SDC2: variants seen among roughly 807,000 people sequenced by gnomAD.
The protein encoded by SDC2 is syndecan 2.
In SDC2, 13 loss-of-function variants were observed where a neutral mutation model predicts 22.2. The ratio of observed to expected loss-of-function variants is 0.59; its 90% CI spans 0.38 to 0.93. SDC2 has a LOEUF of 0.93. Among genes scored for constraint, SDC2 ranks in the 40% least tolerant of loss-of-function variants. The pLI is 0.00. For synonymous variants in SDC2, 94 were observed against 92.8 expected (o/e 1.01, Z -0.07); for missense variants, 235 against 246.8 (o/e 0.95, Z 0.32).
chr8:96,521,864 G>A (rs927333092), intron 1 of SDC2, among the ~76,000 whole-genome samples: 3 of 152,142 alleles, frequency 2.0e-5, no homozygotes, highest in Non-Finnish European at 2.9e-5. Flanking sequence ...TGATATGGGG[G>A]TACTTATTGA....
Position 96,517,038 on chromosome 8 carries a change from T to C in SDC2, c.60+22707T>C, listed in dbSNP as rs1037676746. ...CTGCCACACTGTTTTGCAAGGTAGC[T>C]GTACCATTTTACATTCCCACCAGCA... On this transcript the variant is annotated intron_variant, in intron 1 of 4. Transcript: ENST00000302190. 1.3e-4 allele frequency among the ~76,000 whole-genome samples: 20 copies of C among 152,202 alleles called. 1 individual carries two copies. Among genetic ancestry groups the C allele is most frequent in the Admixed American group, 1.3e-3 (20 of 15,280 alleles).
At chr8:96,549,621 T>A (rs1298167246) in intron 1 of SDC2, among the ~76,000 whole-genome samples, 2 of 152,200 alleles carry the variant, frequency 1.3e-5, no homozygotes, top group Non-Finnish European at 2.9e-5. Flanking sequence ...AGTAAGTTCA[T>A]CAGGCTATGT....
At chr8:96,562,875 G>A (rs1814233085) in intron 1 of SDC2, among the ~76,000 whole-genome samples, 1 of 151,450 alleles carries the variant, frequency 6.6e-6, no homozygotes, top group Non-Finnish European at 1.5e-5. Flanking sequence ...TGAATTTAGT[G>A]ACAGGTTAGT....
intron 1 of SDC2, among the ~76,000 whole-genome samples, chr8:96,517,229 A>G (rs983075540): frequency 2.0e-5 from 3 of 152,100 alleles, no homozygotes; most frequent in African/African-American, 7.2e-5. Context: ...GTTCTTAGCC[A>G]TTTGTATTTA....
intron 1 of SDC2, among the ~76,000 whole-genome samples, chr8:96,557,835 CT>C (rs1249943732): frequency 1.3e-5 from 2 of 152,052 alleles, no homozygotes; most frequent in Non-Finnish European, 2.9e-5. Flanking sequence ...TCTTTGATGA[CT>C]TTCCCTTGAA....
At chr8:96,514,549 G>A (rs140618466) in intron 1 of SDC2, among the ~76,000 whole-genome samples, 8 of 152,274 alleles carry the variant, frequency 5.3e-5, no homozygotes, top group Admixed American at 1.3e-4. Flanking sequence ...TAAGTGACCA[G>A]TGTGACAAGA....
intron 1 of SDC2, among the ~76,000 whole-genome samples, chr8:96,589,690 C>A (rs371429891): frequency 6.6e-6 from 1 of 152,212 alleles, no homozygotes; most frequent in Admixed American, 6.5e-5. Context: ...GGATTACAGG[C>A]GTGAGCCACT....
Position 96,609,654 on chromosome 8 carries a change from T to G in SDC2, c.*106T>G. 7.5e-6 allele frequency: 5 copies of G among 666,534 alleles called. No homozygotes were observed. Among genetic ancestry groups the G allele is most frequent in the South Asian group, 3.7e-5 (1 of 27,138 alleles). 41.3% of individuals were successfully genotyped at this position (666,534 alleles called of 1,614,324 possible). ...GTTTTTTGTTTTCATTAAAGAGCCA[T>G]TCTGGCACTTTAATGATAAAATCCC... On this transcript the variant is annotated 3_prime_UTR_variant, in exon 5 of 5. Transcript: ENST00000302190.
intron 1 of SDC2, among the ~76,000 whole-genome samples, chr8:96,516,991 C>G (rs983089741): frequency 1.3e-5 from 2 of 152,126 alleles, no homozygotes; most frequent in African/African-American, 4.8e-5. Context: ...GATATGGTAA[C>G]TCTGTATAAC....
At chr8:96,557,800 C>T (rs558269618) in intron 1 of SDC2, among the ~76,000 whole-genome samples, 38 of 152,186 alleles carry the variant, frequency 2.5e-4, no homozygotes, top group Non-Finnish European at 4.4e-4. Context: ...AATGGTACCA[C>T]TTCTTGCTGA....
chr8:96,603,610 G>A (rs1393604220), intron 3 of SDC2, among the ~76,000 whole-genome samples: 1 of 152,104 alleles, frequency 6.6e-6, no homozygotes, highest in African/African-American at 2.4e-5. Flanking sequence ...GAATCATCCC[G>A]TCTTCAGGCC....
chr8:96,520,977 A>T (rs912027588), intron 1 of SDC2, among the ~76,000 whole-genome samples: 7 of 152,324 alleles, frequency 4.6e-5, no homozygotes, highest in African/African-American at 1.7e-4. Context: ...AACGGATTGT[A>T]GAATTTTGGA....
rs190731839 is a variant in SDC2 at position 96,588,202 on chromosome 8, G to A, written c.61-5278G>A. Among the ~76,000 whole-genome samples, 11 of 152,272 alleles carry A rather than the reference G, an allele frequency of 7.2e-5. No individual in the cohort carries two copies. The East Asian group carries it at 1.9e-3, about 27-fold the overall frequency. ...ACCAGCTAGACCAGAGGACTTTTGA[G>A]CTACTTTGCTACTCTGGTGTTCTGT... On this transcript the variant is annotated intron_variant, in intron 1 of 4. Coordinates refer to ENST00000302190, the MANE Select transcript of SDC2 (RefSeq NM_002998.4).
chr8:96,550,825 A>C (rs1378625574), intron 1 of SDC2, among the ~76,000 whole-genome samples: 1 of 152,182 alleles, frequency 6.6e-6, no homozygotes, highest in African/African-American at 2.4e-5. Context: ...GAGCCTCTAG[A>C]AGCCTCCTGT....
chr8:96,573,177 A>G (rs1349915500), intron 1 of SDC2, among the ~76,000 whole-genome samples: 2 of 151,936 alleles, frequency 1.3e-5, no homozygotes, highest in Non-Finnish European at 2.9e-5. Context: ...TTTAATCTTC[A>G]TGTGAAATTT....
At chr8:96,570,003 A>G (rs1036883481) in intron 1 of SDC2, among the ~76,000 whole-genome samples, 51 of 152,214 alleles carry the variant, frequency 3.4e-4, no homozygotes, top group African/African-American at 1.2e-3. Flanking sequence ...GCAATGCAAA[A>G]TATATTCGTG....
At chr8:96,580,360 A>G in intron 1 of SDC2, 3 of 985,010 alleles carry the variant, frequency 3.0e-6, no homozygotes, top group Non-Finnish European at 3.6e-6. Flanking sequence ...TCTTTGTTCC[A>G]GAGCATTTGC....
At chr8:96,504,327 A>G (rs1256016428) in intron 1 of SDC2, among the ~76,000 whole-genome samples, 1 of 152,222 alleles carries the variant, frequency 6.6e-6, no homozygotes, top group Non-Finnish European at 1.5e-5. Flanking sequence ...GGGCCATGAC[A>G]TATATAGATT....
intron 3 of SDC2, among the ~76,000 whole-genome samples, chr8:96,603,793 A>T (rs1815032309): frequency 6.6e-6 from 1 of 152,160 alleles, no homozygotes; most frequent in South Asian, 2.1e-4. Flanking sequence ...TTTCTGTAGG[A>T]CCAAGAAGGG....
Sources: allele counts gnomAD v4.1 joint callset (sites outside exome capture counted in the v4.1 genomes callset), GRCh38; gene constraint gnomAD v4.1.1; transcripts MANE v1.5; gene names NCBI Gene and HGNC (gene_info 2026-07-23, HGNC 2026-07-21).